Variants in LONP2 observed in about 807,000 individuals in gnomAD.
LONP2 encodes the protein lon peptidase 2, peroxisomal.
In LONP2, 60 loss-of-function variants were observed where a neutral mutation model predicts 85.6. That is an observed-to-expected ratio of 0.70 (90% CI 0.57 to 0.87). LONP2 has a LOEUF of 0.87. Ranked by LOEUF, LONP2 falls within the 40% of genes least tolerant of loss-of-function variation. LONP2 has a pLI of 0.00. For missense variants in LONP2, 860 were observed against 1,063.5 expected (o/e 0.81, Z 2.66); for synonymous variants, 395 against 389.7 (o/e 1.01, Z -0.16).
chr16:48,292,828 T>G (rs1245010302), intron 8 of LONP2, among the ~76,000 whole-genome samples: 1 of 152,046 alleles, frequency 6.6e-6, no homozygotes, highest in African/African-American at 2.4e-5. Context: ...TCTCTGAACC[T>G]ATTCTGTTTC....
rs78501411 is a variant in LONP2 at position 48,309,537 on chromosome 16, C to T, written c.1795+6232C>T. 4.3e-3 allele frequency among the ~76,000 whole-genome samples: 649 copies of T among 152,234 alleles called. 6 individuals carry two copies. The highest frequency in any genetic ancestry group is 0.015 in the African/African-American group (619 of 41,540). ...TGAACATAGAGTGTGGAATAATAGACACAAGCATGAGCTATCATGCCCAGC... is the reference window on the plus strand; with the variant it reads ...TGAACATAGAGTGTGGAATAATAGATACAAGCATGAGCTATCATGCCCAGC... On this transcript the variant is annotated intron_variant, in intron 11 of 14. Transcript: ENST00000285737.
intron 10 of LONP2, among the ~76,000 whole-genome samples, chr16:48,302,473 A>G (rs987855640): frequency 4.6e-5 from 7 of 152,186 alleles, no homozygotes; most frequent in Non-Finnish European, 1.0e-4. Flanking sequence ...AGGTCCATCC[A>G]AAGCTGAGTG....
chr16:48,361,443 C>G, downstream of LONP2: 1 of 776,064 alleles, frequency 1.3e-6, no homozygotes, highest in South Asian at 1.7e-5. Context: ...CTGTATTTAA[C>G]AGCCTTTCTT....
At chr16:48,332,006 A>G (rs985593565) in intron 11 of LONP2, among the ~76,000 whole-genome samples, 2 of 152,192 alleles carry the variant, frequency 1.3e-5, no homozygotes, top group African/African-American at 2.4e-5. Context: ...TGTGTCATTC[A>G]TGGTTTCAGT....
At chr16:48,350,215 G>C (rs1257286370) in intron 14 of LONP2, among the ~76,000 whole-genome samples, 1 of 152,124 alleles carries the variant, frequency 6.6e-6, no homozygotes. Flanking sequence ...GTGAAACCCT[G>C]TCTCTACTAA....
chr16:48,328,452 G>A (rs956040706), intron 11 of LONP2, among the ~76,000 whole-genome samples: 12 of 151,526 alleles, frequency 7.9e-5, no homozygotes, highest in Non-Finnish European at 1.5e-5. Context: ...GGCCGTGGCG[G>A]GTGGATCACG....
intron 10 of LONP2, among the ~76,000 whole-genome samples, chr16:48,300,781 CTGAGTCT>C (rs1422250179): frequency 6.6e-6 from 1 of 152,152 alleles, no homozygotes; most frequent in Admixed American, 6.5e-5. Context: ...ACTTATATGT[CTGAGTCT>C]TCCAACAATA....
In LONP2 at chr16:48,355,208, C is replaced by G. The variant is rs1177016444; in HGVS notation, c.*3406C>G. 6.6e-6 allele frequency: 1 copy of G among 152,100 alleles called. No homozygotes were observed. The highest frequency in any genetic ancestry group is 1.9e-4 in the East Asian group (1 of 5,186). The allele number at this position is 152,100 out of a possible 1,614,324, so 9.4% of individuals were successfully genotyped here. A position where few individuals can be genotyped will look rare whatever the true frequency, so the allele number is the denominator to read the frequency against. On this transcript the variant is annotated 3_prime_UTR_variant, in exon 15 of 15. Transcript: ENST00000285737. ...ATATGCTAAGGTCTGAATGTCCCCC[C>G]ACCAAATTCGTATGTTGAAGCAACC...
intron 8 of LONP2, among the ~76,000 whole-genome samples, chr16:48,285,899 C>T (rs904119750): frequency 6.6e-6 from 1 of 152,088 alleles, no homozygotes; most frequent in Non-Finnish European, 1.5e-5. Flanking sequence ...ACTTTTTCAT[C>T]TTGTTAAAGT....
At chr16:48,268,045 G>T (rs888967367) in intron 6 of LONP2, among the ~76,000 whole-genome samples, 5 of 152,180 alleles carry the variant, frequency 3.3e-5, no homozygotes, top group Admixed American at 2.6e-4. Context: ...CCAGCTTAGA[G>T]GAGTCAGTAG....
At chr16:48,309,182 T>C (rs1033878306) in intron 11 of LONP2, among the ~76,000 whole-genome samples, 2 of 152,166 alleles carry the variant, frequency 1.3e-5, no homozygotes, top group Admixed American at 1.3e-4. Flanking sequence ...AGGGAGTGCT[T>C]ATATAGTGCT....
At position 48,330,949 on chromosome 16, in the gene LONP2, T is replaced by G. The variant is rs1219297940; in HGVS notation, c.1796-3267T>G. Among the ~76,000 whole-genome samples, 4 of 152,216 alleles carry G rather than the reference T, an allele frequency of 2.6e-5. No individual in the cohort carries two copies. In the East Asian group the frequency reaches 5.8e-4, roughly 22 times the overall value. On this transcript the variant is annotated intron_variant, in intron 11 of 14. Transcript: ENST00000285737. The stretch of plus-strand genomic sequence containing the variant: ...ACCCCGTACTACACTTGGAAAAGGA[T>G]TGGATGTCCTAAAGCATTGGTTATG...
At chr16:48,323,673 C>T (rs975475394) in intron 11 of LONP2, among the ~76,000 whole-genome samples, 4 of 146,790 alleles carry the variant, frequency 2.7e-5, no homozygotes, top group Non-Finnish European at 6.0e-5. Context: ...AAAAAAAAAA[C>T]AACTAAAATT....
chr16:48,302,915 A>G (rs1319330742), intron 10 of LONP2, among the ~76,000 whole-genome samples: 1 of 152,256 alleles, frequency 6.6e-6, no homozygotes, highest in Non-Finnish European at 1.5e-5. Context: ...AAATTGAACT[A>G]GAACTAGGGT....
chr16:48,290,546 C>T (rs1455408032), intron 8 of LONP2, among the ~76,000 whole-genome samples: 2 of 152,306 alleles, frequency 1.3e-5, no homozygotes, highest in South Asian at 4.1e-4. Flanking sequence ...AGCCCCCCTC[C>T]TCAGGTTTGC....
chr16:48,343,732 C>T (rs996110644), intron 12 of LONP2: 1 of 152,046 alleles, frequency 6.6e-6, no homozygotes, highest in Non-Finnish European at 1.5e-5. Context: ...TTAGAAGACA[C>T]ATTCTGTTTT....
intron 11 of LONP2, among the ~76,000 whole-genome samples, chr16:48,329,782 A>C (rs1959379101): frequency 1.3e-5 from 2 of 152,222 alleles, no homozygotes; most frequent in Admixed American, 6.5e-5. Context: ...ACTTGAAAAC[A>C]CTTAGGAAAC....
intron 12 of LONP2, among the ~76,000 whole-genome samples, chr16:48,339,111 A>G (rs751721751): frequency 6.6e-6 from 1 of 152,194 alleles, no homozygotes; most frequent in Admixed American, 6.5e-5. Flanking sequence ...GTAGTCTAGA[A>G]GCAAGCCCTG....
intron 8 of LONP2, among the ~76,000 whole-genome samples, chr16:48,287,742 G>A (rs535937467): frequency 3.3e-5 from 5 of 152,276 alleles, no homozygotes; most frequent in South Asian, 4.1e-4. Context: ...CACAAAGCTC[G>A]TTCTGTTTAT....
Sources: gnomAD v4.1 joint callset for allele counts (sites outside exome capture counted in the v4.1 genomes callset) on GRCh38, gnomAD v4.1.1 for gene constraint, MANE v1.5 for transcripts, NCBI Gene and HGNC (gene_info 2026-07-23, HGNC 2026-07-21) for gene names.